Variants in TMEM236 observed in about 807,000 individuals in gnomAD.
TMEM236 encodes the protein transmembrane protein 236, also known as family with sequence similarity 23, member A.
A neutral mutation model predicts 14.7 loss-of-function variants in TMEM236; 11 were observed. The observed-to-expected ratio is 0.75, with a 90% confidence interval of 0.47 to 1.24. The LOEUF is 1.24. Among genes scored for constraint, TMEM236 ranks in the 50% most tolerant of loss-of-function variants. The probability of loss-of-function intolerance (pLI) is 0.00; values close to 1 mark genes in which losing one functional copy is unlikely to be tolerated. For missense variants in TMEM236, 464 were observed against 427.3 expected (o/e 1.09, Z -0.76); for synonymous variants, 182 against 168.6 (o/e 1.08, Z -0.62).
At chr10:17,774,445 AT>A (rs1324968563) in intron 2 of TMEM236, among the ~76,000 whole-genome samples, 3 of 152,032 alleles carry the variant, frequency 2.0e-5, no homozygotes, top group East Asian at 3.9e-4. Flanking sequence ...CAGTGAGTTA[AT>A]TTTTTTCCCC....
At chr10:17,768,143 G>T (rs1428593762) in intron 1 of TMEM236, among the ~76,000 whole-genome samples, 7 of 134,380 alleles carry the variant, frequency 5.2e-5, no homozygotes, top group Non-Finnish European at 9.1e-5. Flanking sequence ...GCCCAGGTTG[G>T]TCTCAAACTC....
chr10:17,769,337 A>G (rs1379286108), intron 1 of TMEM236, among the ~76,000 whole-genome samples: 2 of 152,206 alleles, frequency 1.3e-5, no homozygotes, highest in African/African-American at 2.4e-5. Flanking sequence ...TGTTTCGGAC[A>G]TGGTAAGTCT....
chr10:17,787,509 A>G (rs1837857501), intron 3 of TMEM236, among the ~76,000 whole-genome samples: 1 of 152,208 alleles, frequency 6.6e-6, no homozygotes. Flanking sequence ...ACCAGAGTCA[A>G]TGGCTGGGCC....
chr10:17,780,177 T>G (rs1837723999), intron 3 of TMEM236, among the ~76,000 whole-genome samples: 1 of 152,188 alleles, frequency 6.6e-6, no homozygotes, highest in African/African-American at 2.4e-5. Context: ...AACTCGTGGC[T>G]GAATGTGGCA....
intron 3 of TMEM236, 59 bp from the exon 4 acceptor site, chr10:17,795,862 T>C (rs1838003187): frequency 2.0e-6 from 3 of 1,524,804 alleles, no homozygotes; most frequent in African/African-American, 1.4e-5. Flanking sequence ...TTGAATAACA[T>C]TTGAGCTAAA....
Position 17,776,037 on chromosome 10 carries a change from G to A in TMEM236, c.339G>A (p.Lys113=), listed in dbSNP as rs1837653279. 1 of 1,613,848 alleles carries A rather than the reference G, an allele frequency of 6.2e-7. No individual in the cohort carries two copies. The highest frequency in any genetic ancestry group is 2.2e-5 in the East Asian group (1 of 44,840). The stretch of plus-strand genomic sequence containing the variant: ...TGGTTTTCTCTAAACAGGTTCAAAA[G>A]AGCATTAATGGGTCCGCTGATGTCT... The part of the protein sequence containing the change: ...TFSIAVTEVQ[K]SINGSADVLP... Residue 113 remains lysine (K), a synonymous_variant, in exon 3 of 4, where the codon AAG becomes AAA. Transcript: ENST00000377495.
At chr10:17,774,018 T>A (rs1261172891) in intron 2 of TMEM236, among the ~76,000 whole-genome samples, 7 of 127,782 alleles carry the variant, frequency 5.5e-5, no homozygotes, top group Non-Finnish European at 8.1e-5. Context: ...AAATCTTTCA[T>A]ATATATATAT....
chr10:17,767,700 A>G (rs2131746291), intron 1 of TMEM236, among the ~76,000 whole-genome samples: 1 of 152,240 alleles, frequency 6.6e-6, no homozygotes, highest in Admixed American at 6.5e-5. Flanking sequence ...ATTGAAAGCT[A>G]CCAGTCTTTT....
chr10:17,760,093 T>C (rs1837338052), intron 1 of TMEM236, among the ~76,000 whole-genome samples: 1 of 150,636 alleles, frequency 6.6e-6, no homozygotes, highest in Admixed American at 6.6e-5. Flanking sequence ...GTGACATCTG[T>C]GCACTGCTGG....
rs1227265431 is a variant in TMEM236 at position 17,796,061 on chromosome 10, A to G, written c.613A>G (p.Thr205Ala). 3.9e-5 allele frequency: 63 copies of G among 1,613,854 alleles called. No individual in the cohort carries two copies. The East Asian group carries it at 9.8e-4, about 25-fold the overall frequency. Residue 205 changes from threonine to alanine, a missense_variant, in exon 4 of 4, where the codon ACA becomes GCA. Physicochemically the swap from Thr to Ala is moderately conservative, Grantham distance 58. Transcript: ENST00000377495. ...GGTGTCGCAGCCATCAGGAGCCATG[A>G]CACGGAGCCAGGAGTCTGTGTTCAT... is the stretch of plus-strand genomic sequence containing the variant. The part of the protein sequence containing the change: ...TQVSQPSGAM[T>A]RSQESVFMGP...
rs1838053853 is a variant in TMEM236 at position 17,798,755 on chromosome 10, A to G, written c.*2251A>G. The G allele has an allele frequency of 1.9e-6, 1 of 524,598 alleles. No homozygotes were observed. The highest frequency in any genetic ancestry group is 3.9e-6 in the Non-Finnish European group (1 of 254,950). 32.5% of individuals were successfully genotyped at this position (524,598 alleles called of 1,614,324 possible). On this transcript the variant is annotated 3_prime_UTR_variant, in exon 4 of 4. Transcript: ENST00000377495. The stretch of plus-strand genomic sequence containing the variant: ...CCGTTTCCACATGTAAAAGATGAAC[A>G]TAATACTAGTACTACATTAATAGGG...
chr10:17,756,516 G>C (rs371335050), intron 1 of TMEM236, among the ~76,000 whole-genome samples: 2 of 152,218 alleles, frequency 1.3e-5, no homozygotes, highest in East Asian at 3.9e-4. Flanking sequence ...GGCTGGTCTC[G>C]AACTCCTGAC....
At position 17,791,322 on chromosome 10, in the gene TMEM236, G is replaced by C. The variant is rs945552276; in HGVS notation, c.473-4599G>C. Among the ~76,000 whole-genome samples, 202 of 151,444 alleles carry C rather than the reference G, an allele frequency of 1.3e-3. 1 individual carries two copies. In the Middle Eastern group the frequency reaches 0.014, roughly 10 times the overall value. On this transcript the variant is annotated intron_variant, in intron 3 of 3. Transcript: ENST00000377495. ...AAAAAAAAAAAATTAGTCAGGTGTG[G>C]TGGTGCAAGCCTGTAGTCCCAGCTA...
In TMEM236 at chr10:17,774,029, T is replaced by TTTTGTTTGTTTGTTTG. The variant is rs1228988280; in HGVS notation, c.331-1984_331-1969dup. The stretch of plus-strand genomic sequence containing the variant: ...CTTAAAATCTTTCATATATATATAT[T>TTTTGTTTGTTTGTTTG]TTTGTTTGTTTGTTTGTTTGTTTGT... On this transcript the variant is annotated intron_variant, in intron 2 of 3. Coordinates refer to ENST00000377495, the MANE Select transcript of TMEM236 (RefSeq NM_001098844.3). Among the ~76,000 whole-genome samples, 461 of 133,608 alleles carry TTTTGTTTGTTTGTTTG rather than the reference T, an allele frequency of 3.5e-3. 9 individuals are homozygous for TTTTGTTTGTTTGTTTG. The highest frequency in any genetic ancestry group is 0.03 in the East Asian group (128 of 4,274). The allele number at this position is 133,608 out of a possible 152,430, so 87.7% of individuals were successfully genotyped here. A position where few individuals can be genotyped will look rare whatever the true frequency, so the allele number is the denominator to read the frequency against.
chr10:17,785,485 C>T (rs1837819218), intron 3 of TMEM236, among the ~76,000 whole-genome samples: 1 of 152,118 alleles, frequency 6.6e-6, no homozygotes, highest in Non-Finnish European at 1.5e-5. Flanking sequence ...TCCAAATTTC[C>T]TTGAAATGTA....
intron 1 of TMEM236, among the ~76,000 whole-genome samples, chr10:17,766,830 C>G (rs1837473987): frequency 1.3e-5 from 2 of 150,096 alleles, no homozygotes; most frequent in Admixed American, 1.3e-4. Flanking sequence ...AGAATTTGTT[C>G]CATGTCTTTC....
chr10:17,755,656 G>A (rs1321574924), intron 1 of TMEM236, among the ~76,000 whole-genome samples: 1 of 152,168 alleles, frequency 6.6e-6, no homozygotes, highest in East Asian at 1.9e-4. Flanking sequence ...CTCACACCCT[G>A]TAGGGGTGGC....
chr10:17,752,342 A>C lies in TMEM236; in HGVS notation c.47A>C (p.Glu16Ala), dbSNP rs1837221274. The change falls in exon 1 of 4, where the codon GAG becomes GCG. Residue 16 changes from glutamate to alanine, a missense_variant. Glu to Ala is a moderately radical substitution (Grantham distance 107). Coordinates refer to ENST00000377495, the MANE Select transcript of TMEM236 (RefSeq NM_001098844.3). ...AAGTTCGTGGTTTTTGAGCTCCTAG[A>C]GTTTGCCGCTTTCTCCATCCCCACA... ...LIKFVVFELL[E>A]FAAFSIPTLV... 6.2e-7 allele frequency: 1 copy of C among 1,613,658 alleles called. No homozygotes were observed. The highest frequency in any genetic ancestry group is 8.5e-7 in the Non-Finnish European group (1 of 1,179,842).
chr10:17,768,093 T>TCTG (rs1837502071), intron 1 of TMEM236, among the ~76,000 whole-genome samples: 1 of 131,582 alleles, frequency 7.6e-6, no homozygotes, highest in Non-Finnish European at 1.7e-5. Context: ...GTGGTTTTTT[T>TCTG]TTTTTTTTTT....
Sources: gnomAD v4.1 joint callset for allele counts (sites outside exome capture counted in the v4.1 genomes callset) on GRCh38, gnomAD v4.1.1 for gene constraint, MANE v1.5 for transcripts, NCBI Gene and HGNC (gene_info 2026-07-23, HGNC 2026-07-21) for gene names.